IQCH: variants seen among roughly 807,000 people sequenced by gnomAD.
The protein encoded by IQCH is IQ domain-containing protein H.
A neutral mutation model predicts 117.0 loss-of-function variants in IQCH; 98 were observed. That is an observed-to-expected ratio of 0.84 (90% CI 0.71 to 0.99). IQCH has a LOEUF of 0.99. Ranked by LOEUF, IQCH falls within the 50% of genes least tolerant of loss-of-function variation. The pLI is 0.00. For missense variants in IQCH, 1,102 were observed against 1,243.8 expected (o/e 0.89, Z 1.72); for synonymous variants, 412 against 448.2 (o/e 0.92, Z 1.02).
intron 14 of IQCH, among the ~76,000 whole-genome samples, chr15:67,409,214 G>A (rs566683048): frequency 1.8e-4 from 28 of 152,140 alleles, no homozygotes; most frequent in African/African-American, 6.7e-4. Context: ...TTTGATGATG[G>A]CAATTTTGTC....
rs1442468686 is a variant in IQCH, at chr15:67,463,604, T to A, written c.2506-1523T>A. On this transcript the variant is annotated intron_variant, in intron 16 of 20. Coordinates refer to ENST00000335894, the MANE Select transcript of IQCH (RefSeq NM_001031715.3). This position sits in a 1 kb window ranked among gnomAD's most constrained non-coding sequence, Gnocchi z 4.0. ...AGGCTACCACAGAGATCTGAGATAT[T>A]TATGATTCACCCAGCTTCATAAAAA... Among the ~76,000 whole-genome samples the A allele has an allele frequency of 6.6e-6, 1 of 152,186 alleles. No individual in the cohort carries two copies. The highest frequency in any genetic ancestry group is 1.5e-5 in the Non-Finnish European group (1 of 68,032).
At chr15:67,415,195 G>A (rs2081546871) in intron 14 of IQCH, among the ~76,000 whole-genome samples, 1 of 152,148 alleles carries the variant, frequency 6.6e-6, no homozygotes, top group African/African-American at 2.4e-5. Context: ...GCTTTGGGGC[G>A]ATCAGGTAAT....
rs530422995 is a variant in IQCH, at chr15:67,323,264, A to G, written c.388-13711A>G. On this transcript the variant is annotated intron_variant, in intron 4 of 20. Transcript: ENST00000335894. The stretch of plus-strand genomic sequence containing the variant: ...ATTTTTTTTTTTTTTTTTTTTTGAG[A>G]CGGAGTCTTGCTCTGTCGTCCAGGC... Among the ~76,000 whole-genome samples the G allele has an allele frequency of 5.7e-3, 578 of 102,002 alleles. 5 individuals are homozygous for G. Among genetic ancestry groups the G allele is most frequent in the African/African-American group, 0.022 (559 of 25,716 alleles). The allele number at this position is 102,002 out of a possible 152,430, so 66.9% of individuals were successfully genotyped here. A position where few individuals can be genotyped will look rare whatever the true frequency, so the allele number is the denominator to read the frequency against.
At position 67,487,188 on chromosome 15, in the gene IQCH, C is replaced by CTCTG. The variant is rs373207161; in HGVS notation, c.2800-2815_2800-2814insTCTG. On this transcript the variant is annotated intron_variant, in intron 18 of 20. Coordinates refer to ENST00000335894, the MANE Select transcript of IQCH (RefSeq NM_001031715.3). ...TCTCTACTAAAAATACAAAAATTAG[C>CTCTG]CAGACGTGGTGCCATGCGCCTGTAG... Among the ~76,000 whole-genome samples, 601 of 152,224 alleles carry CTCTG rather than the reference C, an allele frequency of 3.9e-3. 7 individuals carry two copies. The highest frequency in any genetic ancestry group is 0.013 in the African/African-American group (534 of 41,548).
chr15:67,306,886 C>T (rs1967326171), intron 4 of IQCH: 6 of 1,521,328 alleles, frequency 3.9e-6, no homozygotes, highest in East Asian at 4.9e-5. Flanking sequence ...TGTTCCCTCA[C>T]TGACATCCAG....
chr15:67,365,721 G>A lies in IQCH; in HGVS notation c.753+5836G>A, dbSNP rs1311818049. 6.6e-6 allele frequency among the ~76,000 whole-genome samples: 1 copy of A among 152,180 alleles called. No individual in the cohort carries two copies. On this transcript the variant is annotated intron_variant, in intron 8 of 20. Transcript: ENST00000335894. This position sits in a 1 kb window ranked among gnomAD's most constrained non-coding sequence, Gnocchi z 4.4. ...ATGGCATGCAGATCACTTGAGGTCA[G>A]GAGTTCAAGACCAGCCTGGACAACA...
rs1361392588 is a variant in IQCH, at chr15:67,376,888, G to A, written c.1372+3455G>A. On this transcript the variant is annotated intron_variant, in intron 10 of 20. Transcript: ENST00000335894. This position sits in a 1 kb window ranked among gnomAD's most constrained non-coding sequence, Gnocchi z 5.0. The stretch of plus-strand genomic sequence containing the variant: ...AATCCCAATCCTTCAAGAGGCCAAG[G>A]TGGGCAGATCACGAGGTCAAGAGAT... Among the ~76,000 whole-genome samples, 1 of 152,038 alleles carries A rather than the reference G, an allele frequency of 6.6e-6. No individual in the cohort carries two copies. Among genetic ancestry groups the A allele is most frequent in the African/African-American group, 2.4e-5 (1 of 41,388 alleles).
rs542714446 is a variant in IQCH at position 67,494,195 on chromosome 15, G to A, written c.2862-63G>A. On this transcript the variant is annotated intron_variant, in intron 19 of 20. Transcript: ENST00000335894. This position sits in a 1 kb window ranked among gnomAD's most constrained non-coding sequence, Gnocchi z 5.5. ...ACCAGACAGGCACAAATGAGAGGGC[G>A]ATTGTTTTTAAGCATGTGAAGGGAA... 19 of 1,156,284 alleles carry A rather than the reference G, an allele frequency of 1.6e-5. No homozygotes were observed. Among genetic ancestry groups the A allele is most frequent in the African/African-American group, 6.2e-5 (4 of 64,364 alleles). The allele number at this position is 1,156,284 out of a possible 1,614,324, so 71.6% of individuals were successfully genotyped here. A position where few individuals can be genotyped will look rare whatever the true frequency, so the allele number is the denominator to read the frequency against.
chr15:67,295,805 A>T (rs975416415), intron 4 of IQCH, among the ~76,000 whole-genome samples: 2 of 152,140 alleles, frequency 1.3e-5, no homozygotes, highest in African/African-American at 4.8e-5. Flanking sequence ...TTTCCTATTA[A>T]GGCCAGCCTC....
intron 15 of IQCH, among the ~76,000 whole-genome samples, chr15:67,420,804 G>C (rs977480528): frequency 6.6e-6 from 1 of 152,168 alleles, no homozygotes; most frequent in Non-Finnish European, 1.5e-5. Flanking sequence ...GAAGTCCTTT[G>C]GCTGACATGA....
At chr15:67,341,816 C>T (rs1969188964) in intron 5 of IQCH, among the ~76,000 whole-genome samples, 2 of 152,076 alleles carry the variant, frequency 1.3e-5, no homozygotes, top group East Asian at 3.8e-4. Flanking sequence ...AATAAATTTG[C>T]AAATGGATGC....
rs1480463951 is a variant in IQCH, at chr15:67,447,611, A to G, written c.2506-17516A>G. On this transcript the variant is annotated intron_variant, in intron 16 of 20. Transcript: ENST00000335894. This position sits in a 1 kb window ranked among gnomAD's most constrained non-coding sequence, Gnocchi z 5.3. ...TAGAGCTTGCAGGGAGCCCCACACCACAGAAGGAGGCTAGAGTGCTTGGAG... is the reference window on the plus strand; with the variant it reads ...TAGAGCTTGCAGGGAGCCCCACACCGCAGAAGGAGGCTAGAGTGCTTGGAG... Among the ~76,000 whole-genome samples the G allele has an allele frequency of 6.6e-6, 1 of 152,144 alleles. No homozygotes were observed. Among genetic ancestry groups the G allele is most frequent in the South Asian group, 2.1e-4 (1 of 4,818 alleles).
At chr15:67,367,341 G>A (rs767426054) in intron 8 of IQCH, among the ~76,000 whole-genome samples, 1 of 152,100 alleles carries the variant, frequency 6.6e-6, no homozygotes, top group Non-Finnish European at 1.5e-5. Flanking sequence ...TTCAAGACCA[G>A]CTTGGGCAAG....
chr15:67,363,235 A>AT (rs368949063), intron 8 of IQCH, among the ~76,000 whole-genome samples: 4,715 of 133,546 alleles, frequency 0.035, 242 homozygotes, highest in African/African-American at 0.1. Flanking sequence ...ACAAATCTTG[A>AT]TTTTTTTTTT....
Position 67,413,113 on chromosome 15 carries a change from A to G in IQCH, c.2098-3818A>G, listed in dbSNP as rs77022621. ...TGTGTGTGTGTGTCTGTGTGTACAT[A>G]AGTTTGTTTTGAACAAAATAAACTT... On this transcript the variant is annotated intron_variant, in intron 14 of 20. Transcript: ENST00000335894. This position sits in a 1 kb window ranked among gnomAD's most constrained non-coding sequence, Gnocchi z 5.0. 5.3e-5 allele frequency among the ~76,000 whole-genome samples: 8 copies of G among 151,770 alleles called. No individual in the cohort carries two copies. The highest frequency in any genetic ancestry group is 1.9e-4 in the African/African-American group (8 of 41,258).
In IQCH at chr15:67,493,976, G is replaced by A. The variant is rs78769753; in HGVS notation, c.2862-282G>A. On this transcript the variant is annotated intron_variant, in intron 19 of 20. Transcript: ENST00000335894. This position sits in a 1 kb window ranked among gnomAD's most constrained non-coding sequence, Gnocchi z 5.1. ...CTTAAACCATTTTTAAAATGAACTC[G>A]TACAACATCCTAGCTCAGTGGTAGA... Among the ~76,000 whole-genome samples, 3,217 of 152,234 alleles carry A rather than the reference G, an allele frequency of 0.021. 74 individuals are homozygous for A. Among genetic ancestry groups the A allele is most frequent in the Middle Eastern group, 0.051 (15 of 294 alleles).
chr15:67,350,513 G>A (rs147103842), intron 6 of IQCH, among the ~76,000 whole-genome samples: 10 of 151,840 alleles, frequency 6.6e-5, no homozygotes, highest in African/African-American at 1.7e-4. Flanking sequence ...TACAACCTCC[G>A]CCTCCCAGGT....
intron 14 of IQCH, among the ~76,000 whole-genome samples, chr15:67,415,932 G>A (rs2081564919): frequency 6.6e-6 from 1 of 152,160 alleles, no homozygotes; most frequent in Non-Finnish European, 1.5e-5. Context: ...GCATGGTGGT[G>A]TGTACATGTA....
intron 15 of IQCH, among the ~76,000 whole-genome samples, chr15:67,420,554 T>C (rs1596341675): frequency 1.3e-5 from 2 of 152,158 alleles, no homozygotes; most frequent in East Asian, 1.9e-4. Flanking sequence ...AAACAGAAGA[T>C]TGGGGCTATG....
Sources: gnomAD v4.1 joint callset for allele counts (sites outside exome capture counted in the v4.1 genomes callset) on GRCh38, gnomAD v4.1.1 for gene constraint, Gnocchi (gnomAD v3.1) non-coding constraint, MANE v1.5 for transcripts, NCBI Gene and HGNC (gene_info 2026-07-23, HGNC 2026-07-21) for gene names.